Variants in ZMAT4 observed in about 807,000 individuals in gnomAD.
ZMAT4 encodes the protein zinc finger matrin-type 4.
In ZMAT4, 17 loss-of-function variants were observed where a neutral mutation model predicts 28.7. The observed-to-expected ratio is 0.59, with a 90% confidence interval of 0.41 to 0.89. The LOEUF is 0.89. Ranked by LOEUF, ZMAT4 falls within the 40% of genes least tolerant of loss-of-function variation. The pLI, the probability that ZMAT4 is intolerant of heterozygous loss-of-function variation, is 0.00. For missense variants in ZMAT4, 240 were observed against 283.8 expected, an observed-to-expected ratio of 0.85 and a Z score of 1.11; for synonymous variants, 117 against 109.2, an observed-to-expected ratio of 1.07 and a Z score of -0.44.
At chr8:40,881,560 AAG>A (rs1563264010) in intron 1 of ZMAT4, among the ~76,000 whole-genome samples, 5 of 101,444 alleles carry the variant, frequency 4.9e-5, no homozygotes, top group Non-Finnish European at 1.0e-4. Flanking sequence ...GAAAGAAAGA[AAG>A]AAAGAAAGAA....
At chr8:40,780,844 C>A (rs543675496) in intron 2 of ZMAT4, among the ~76,000 whole-genome samples, 1 of 152,194 alleles carries the variant, frequency 6.6e-6, no homozygotes, top group African/African-American at 2.4e-5. Context: ...CTAACACCCT[C>A]TCATGACAAA....
chr8:40,891,498 G>A (rs1818686183), intron 1 of ZMAT4, among the ~76,000 whole-genome samples: 1 of 152,100 alleles, frequency 6.6e-6, no homozygotes, highest in Non-Finnish European at 1.5e-5. Flanking sequence ...CCAAGCTTGA[G>A]CCTGTCTCAC....
At chr8:40,783,462 G>A (rs34012528) in intron 2 of ZMAT4, among the ~76,000 whole-genome samples, 25,064 of 152,142 alleles carry the variant, frequency 0.16, 2,582 homozygotes, top group Middle Eastern at 0.24. Flanking sequence ...GAGTTTAGGG[G>A]TTTTGGAGGA....
intron 3 of ZMAT4, among the ~76,000 whole-genome samples, chr8:40,754,522 C>T (rs1232085871): frequency 2.0e-5 from 3 of 152,142 alleles, no homozygotes; most frequent in African/African-American, 7.2e-5. Flanking sequence ...TATGTTTCCA[C>T]CAATGACGAG....
intron 6 of ZMAT4, among the ~76,000 whole-genome samples, chr8:40,560,708 A>G (rs1803708659): frequency 6.6e-6 from 1 of 152,108 alleles, no homozygotes; most frequent in African/African-American, 2.4e-5. Flanking sequence ...CTGACACACT[A>G]TTTCACAAAC....
At chr8:40,540,181 G>A (rs1001051251) in intron 6 of ZMAT4, among the ~76,000 whole-genome samples, 4 of 152,174 alleles carry the variant, frequency 2.6e-5, no homozygotes, top group Admixed American at 1.3e-4. Flanking sequence ...GTGCACTGGG[G>A]TGGAGCCTCA....
chr8:40,602,854 G>C (rs1805446188), intron 5 of ZMAT4, among the ~76,000 whole-genome samples: 1 of 152,194 alleles, frequency 6.6e-6, no homozygotes, highest in South Asian at 2.1e-4. Context: ...CTCTCACTCT[G>C]TGGGTTGTCT....
intron 2 of ZMAT4, among the ~76,000 whole-genome samples, chr8:40,790,470 G>A (rs1479578832): frequency 6.6e-6 from 1 of 151,974 alleles, no homozygotes. Flanking sequence ...TGAATGCAGT[G>A]GTGTGATCAT....
At chr8:40,588,107 C>T (rs1035041742) in intron 5 of ZMAT4, among the ~76,000 whole-genome samples, 1 of 151,872 alleles carries the variant, frequency 6.6e-6, no homozygotes, top group Admixed American at 6.6e-5. Context: ...CCTTCCAATG[C>T]ACATCAATAA....
chr8:40,639,147 A>G (rs1806910328), intron 5 of ZMAT4, among the ~76,000 whole-genome samples: 1 of 152,216 alleles, frequency 6.6e-6, no homozygotes, highest in Non-Finnish European at 1.5e-5. Context: ...GCCTGGAGAA[A>G]CATGGACCGG....
At chr8:40,671,917 C>T (rs963699585) in intron 5 of ZMAT4, among the ~76,000 whole-genome samples, 4 of 152,134 alleles carry the variant, frequency 2.6e-5, no homozygotes, top group African/African-American at 4.8e-5. Context: ...TGTAAGATTT[C>T]AGGTGATTTT....
intron 1 of ZMAT4, among the ~76,000 whole-genome samples, chr8:40,837,927 C>G (rs1343673593): frequency 6.6e-6 from 1 of 152,222 alleles, no homozygotes; most frequent in Non-Finnish European, 1.5e-5. Flanking sequence ...GACCCATGCT[C>G]CTCACCCCTG....
rs555004687 is a variant in ZMAT4 at position 40,870,313 on chromosome 8, C to T, written c.-5+27370G>A. On this transcript the variant is annotated intron_variant, in intron 1 of 6. Transcript: ENST00000297737. ...CTCTTCCTTTCTGTAGCCCAGGACT[C>T]TGTATCAGCTTCAATCATCTGACCC... is the stretch of plus-strand genomic sequence containing the variant. 3.2e-4 allele frequency among the ~76,000 whole-genome samples: 49 copies of T among 152,302 alleles called. No individual in the cohort carries two copies. In the East Asian group the frequency reaches 9.3e-3, roughly 29 times the overall value.
intron 3 of ZMAT4, among the ~76,000 whole-genome samples, chr8:40,706,641 C>T (rs1351984949): frequency 6.6e-6 from 1 of 152,152 alleles, no homozygotes; most frequent in African/African-American, 2.4e-5. Context: ...CATTTAAATT[C>T]CGCTAACATC....
intron 2 of ZMAT4, among the ~76,000 whole-genome samples, chr8:40,790,607 A>G (rs868190738): frequency 1.3e-5 from 2 of 152,210 alleles, no homozygotes; most frequent in South Asian, 2.1e-4. Flanking sequence ...TATACACTAA[A>G]AAATACAAAA....
chr8:40,674,559 T>G, intron 5 of ZMAT4, 145 bp downstream of exon 5: 1 of 639,094 alleles, frequency 1.6e-6, no homozygotes, highest in Non-Finnish European at 2.7e-6. Context: ...TTCTGCTCAT[T>G]TCCTTTCTTG....
chr8:40,775,483 T>G (rs148060045), intron 2 of ZMAT4, among the ~76,000 whole-genome samples: 56 of 152,286 alleles, frequency 3.7e-4, no homozygotes, highest in Admixed American at 1.2e-3. Context: ...CTGAAGAAAC[T>G]GAGGGTTTGC....
chr8:40,681,229 C>T (rs1809151546), intron 4 of ZMAT4, among the ~76,000 whole-genome samples: 1 of 152,150 alleles, frequency 6.6e-6, no homozygotes. Context: ...GCCTACAGAG[C>T]AATAGGCCAA....
At chr8:40,829,915 T>A (rs971536603) in intron 1 of ZMAT4, among the ~76,000 whole-genome samples, 2 of 152,076 alleles carry the variant, frequency 1.3e-5, no homozygotes, top group Non-Finnish European at 2.9e-5. Flanking sequence ...TAGGTGGGGT[T>A]AATTTGGAAT....
Sources: allele counts gnomAD v4.1 joint callset (sites outside exome capture counted in the v4.1 genomes callset), GRCh38; gene constraint gnomAD v4.1.1; transcripts MANE v1.5; gene names NCBI Gene and HGNC (gene_info 2026-07-23, HGNC 2026-07-21).